The following ARRDC5 variants were observed in gnomAD, a reference collection of about 807,000 sequenced individuals.
ARRDC5 encodes arrestin domain-containing protein 5.
In ARRDC5, 12 loss-of-function variants were observed where a neutral mutation model predicts 13.3. That is an observed-to-expected ratio of 0.90 (90% CI 0.58 to 1.46). ARRDC5 has a LOEUF of 1.46. ARRDC5 is among the 40% of genes most tolerant of loss of function. ARRDC5 has a pLI of 0.00. For missense variants in ARRDC5, 406 were observed against 418.7 expected (o/e 0.97, Z 0.26); for synonymous variants, 181 against 173.4 (o/e 1.04, Z -0.34).
Position 4,896,690 on chromosome 19 carries a change from T to G in ARRDC5, c.440A>C (p.His147Pro). ...CGGTACCTGGAATGGGGTTTCTTTG[T>G]GGAAGGTGGAAGTTCCTTGAACCAA... ...YLLVQGTSTF[H>P]KETPFQNPLF... Residue 147 changes from histidine (H) to proline (P), a missense_variant, in exon 2 of 3, where the codon CAC (histidine) becomes CCC (proline). Transcript: ENST00000650722. 1 of 1,613,124 alleles carries G rather than the reference T, an allele frequency of 6.2e-7. No individual in the cohort carries two copies. The highest frequency in any genetic ancestry group is 1.3e-5 in the African/African-American group (1 of 75,008).
intron 2 of ARRDC5, among the ~76,000 whole-genome samples, chr19:4,892,191 G>A (rs2031537936): frequency 6.6e-6 from 1 of 151,704 alleles, no homozygotes; most frequent in Non-Finnish European, 1.5e-5. Context: ...GGGTTCAAGC[G>A]ATTCTTCTGC....
the ARRDC5 span, chr19:4,909,887 C>T: frequency 1.6e-5 from 6 of 373,814 alleles, no homozygotes; most frequent in Non-Finnish European, 2.9e-5. Context: ...TCGAGCGCGC[C>T]GGGTGGGGGA....
chr19:4,893,726 CAAAAAAAAA>C (rs61307077), intron 2 of ARRDC5, among the ~76,000 whole-genome samples: 3 of 56,928 alleles, frequency 5.3e-5, no homozygotes, highest in African/African-American at 7.8e-5. Context: ...ACCCTGTCTC[CAAAAAAAAA>C]AAAAAAAAAA....
upstream of ARRDC5, among the ~76,000 whole-genome samples, chr19:4,905,066 G>A (rs909117110): frequency 4.6e-5 from 7 of 150,738 alleles, no homozygotes; most frequent in East Asian, 1.4e-3. Context: ...GGCCACATTT[G>A]GCCCAGGATG....
chr19:4,902,863 C>T lies in ARRDC5; in HGVS notation c.-38G>A, dbSNP rs1183602444. ...GGTAGAGAGACATTCCTCTCTGTCC[C>T]CCATGTCCCTGAAATTCCCGGTTCG... On this transcript the variant is annotated 5_prime_UTR_variant, in exon 1 of 3. Transcript: ENST00000650722. The T allele has an allele frequency of 7.4e-6, 12 of 1,612,570 alleles. No homozygotes were observed. The African/African-American group carries it at 1.3e-4, about 18-fold the overall frequency.
the ARRDC5 span, chr19:4,910,869 C>T: frequency 2.8e-5 from 45 of 1,596,238 alleles, no homozygotes; most frequent in Middle Eastern, 6.7e-4. Flanking sequence ...GCTGTCCCTC[C>T]CCTCAGCGCC....
chr19:4,909,624 A>G, the ARRDC5 span: 1 of 611,280 alleles, frequency 1.6e-6, no homozygotes, highest in Non-Finnish European at 2.9e-6. Context: ...CCACGCGCGC[A>G]GGCAGACAAG....
chr19:4,916,217 G>T, the ARRDC5 span, among the ~76,000 whole-genome samples: 1 of 151,654 alleles, frequency 6.6e-6, no homozygotes, highest in Non-Finnish European at 1.5e-5. Context: ...AAGGTGGGAA[G>T]ATCACTTGAG....
the ARRDC5 span, among the ~76,000 whole-genome samples, chr19:4,916,641 C>T: frequency 6.6e-6 from 1 of 151,830 alleles, no homozygotes; most frequent in South Asian, 2.1e-4. Flanking sequence ...GCCGTCCACG[C>T]CACCGCCGCC....
At chr19:4,896,393 CACACACACACACAT>C (rs1231318373) in intron 2 of ARRDC5, among the ~76,000 whole-genome samples, 8 of 132,048 alleles carry the variant, frequency 6.1e-5, no homozygotes, top group South Asian at 2.5e-4. Context: ...CACACACACA[CACACACACACACAT>C]ATATATAATT....
At position 4,896,734 on chromosome 19, in the gene ARRDC5, G is replaced by A; in HGVS notation, c.396C>T (p.Ala132=). The change falls in exon 2 of 3, where the codon GCC becomes GCT. Residue 132 remains alanine (A), a synonymous_variant. Coordinates refer to ENST00000650722, the MANE Select transcript of ARRDC5 (RefSeq NM_001080523.3). Reference sequence around the variant, plus strand: ...GAACCAATAAGTACATCCTCTTCTTGGCTAAAATGTGTTCCCTGCCCATGC... The same window carrying A: ...GAACCAATAAGTACATCCTCTTCTTAGCTAAAATGTGTTCCCTGCCCATGC... The part of the protein sequence containing the change: ...ASCMGREHIL[A]KKRMYLLVQG... 1 of 1,613,740 alleles carries A rather than the reference G, an allele frequency of 6.2e-7. No individual in the cohort carries two copies. The highest frequency in any genetic ancestry group is 8.5e-7 in the Non-Finnish European group (1 of 1,179,768).
chr19:4,897,192 G>A lies in ARRDC5; in HGVS notation c.254-316C>T, dbSNP rs548529625. ...TCCTGGTCTTGAACTCCTGGCCTCC[G>A]GCGATCCGCCCGTCTTGCCCTCCCA... is the stretch of plus-strand genomic sequence containing the variant. On this transcript the variant is annotated intron_variant, in intron 1 of 2. Transcript: ENST00000650722. Among the ~76,000 whole-genome samples, 58 of 152,224 alleles carry A rather than the reference G, an allele frequency of 3.8e-4. 1 individual carries two copies. Among genetic ancestry groups the A allele is most frequent in the African/African-American group, 1.4e-3 (57 of 41,546 alleles).
chr19:4,896,383 C>G (rs2031732438), intron 2 of ARRDC5, among the ~76,000 whole-genome samples: 1 of 125,110 alleles, frequency 8.0e-6, no homozygotes, highest in African/African-American at 2.9e-5. Flanking sequence ...CACACACACA[C>G]ACACACACAC....
At chr19:4,911,126 T>TC in the ARRDC5 span, 3,494 of 1,167,004 alleles carry the variant, frequency 3.0e-3, 29 homozygotes, top group South Asian at 0.03. Flanking sequence ...CCCTCCCACC[T>TC]CCCCCCCCAA....
intron 1 of ARRDC5, among the ~76,000 whole-genome samples, chr19:4,897,291 T>A (rs2779172): frequency 1.3e-5 from 2 of 151,680 alleles, no homozygotes; most frequent in African/African-American, 2.4e-5. Context: ...GGCATGGAGG[T>A]GGGTCCTGGG....
chr19:4,901,203 C>T (rs1421949079), intron 1 of ARRDC5, among the ~76,000 whole-genome samples: 2 of 152,060 alleles, frequency 1.3e-5, no homozygotes. Flanking sequence ...CCTGTGGTCT[C>T]AGCTACTCAG....
chr19:4,912,794 A>G, the ARRDC5 span, among the ~76,000 whole-genome samples: 5 of 151,756 alleles, frequency 3.3e-5, no homozygotes, highest in East Asian at 9.7e-4. Context: ...ACAGGATCTC[A>G]CTCTGCCCAG....
At chr19:4,905,541 G>C (rs1356760508), upstream of ARRDC5, among the ~76,000 whole-genome samples, 1 of 150,086 alleles carries the variant, frequency 6.7e-6, no homozygotes, top group African/African-American at 2.5e-5. Context: ...TTTTGAGATG[G>C]AGTTTTGCTC....
chr19:4,901,860 G>A (rs149494213), intron 1 of ARRDC5, among the ~76,000 whole-genome samples: 25 of 152,044 alleles, frequency 1.6e-4, no homozygotes, highest in Admixed American at 2.6e-4. Context: ...TTCCTTCTCT[G>A]GAAGGTCTCC....
Sources: gnomAD v4.1 joint callset for allele counts (sites outside exome capture counted in the v4.1 genomes callset) on GRCh38, gnomAD v4.1.1 for gene constraint, MANE v1.5 for transcripts, NCBI Gene and HGNC (gene_info 2026-07-23, HGNC 2026-07-21) for gene names.